The following GABBR2 variants were observed in gnomAD, a reference collection of about 807,000 sequenced individuals.
The protein encoded by GABBR2 is gamma-aminobutyric acid type B receptor subunit 2.
GABBR2 carries 23 observed loss-of-function variants against 105.6 expected under a neutral mutation model. That is an observed-to-expected ratio of 0.22 (90% CI 0.16 to 0.31). The LOEUF is 0.31. Among genes scored for constraint, GABBR2 ranks in the 10% least tolerant of loss-of-function variants. The probability of loss-of-function intolerance (pLI) is 1.00; values close to 1 mark genes in which losing one functional copy is unlikely to be tolerated. For missense variants in GABBR2, 734 were observed against 1,245.5 expected (o/e 0.59, Z 6.18); for synonymous variants, 478 against 499.7 (o/e 0.96, Z 0.58).
chr9:98,622,331 A>C (rs1240483152), intron 1 of GABBR2, among the ~76,000 whole-genome samples: 1 of 151,910 alleles, frequency 6.6e-6, no homozygotes, highest in Non-Finnish European at 1.5e-5. Context: ...CACCTGGCTA[A>C]TTTTTGTATT....
rs1832259762 is a variant in GABBR2, at chr9:98,394,894, T to C, written c.1298-639A>G. Among the ~76,000 whole-genome samples, 2 of 152,218 alleles carry C rather than the reference T, an allele frequency of 1.3e-5. 1 individual carries two copies. The highest frequency in any genetic ancestry group is 4.1e-4 in the South Asian group (2 of 4,832). On this transcript the variant is annotated intron_variant, in intron 8 of 18. Transcript: ENST00000259455. ...CTCATTCTGGAGTTCACATTGCTAT[T>C]ATATGCATCCTTAGGTTGAATTTGC... is the stretch of plus-strand genomic sequence containing the variant.
At chr9:98,666,006 T>C (rs2131857091) in intron 1 of GABBR2, among the ~76,000 whole-genome samples, 1 of 152,344 alleles carries the variant, frequency 6.6e-6, no homozygotes, top group Non-Finnish European at 1.5e-5. Context: ...TTACAGAGTG[T>C]TTGATCCACT....
At chr9:98,705,968 C>T (rs1307698634) in intron 1 of GABBR2, among the ~76,000 whole-genome samples, 6 of 151,948 alleles carry the variant, frequency 3.9e-5, no homozygotes, top group Admixed American at 1.3e-4. Context: ...CCCAGCTACA[C>T]GGGAGGCTGA....
At chr9:98,374,957 A>G (rs1352132315) in intron 11 of GABBR2, among the ~76,000 whole-genome samples, 3 of 152,030 alleles carry the variant, frequency 2.0e-5, no homozygotes, top group Non-Finnish European at 4.4e-5. Context: ...TAGAGAACTG[A>G]CCAACCACCT....
intron 1 of GABBR2, among the ~76,000 whole-genome samples, chr9:98,637,272 C>T (rs79824961): frequency 0.092 from 13,966 of 152,154 alleles, 980 homozygotes; most frequent in African/African-American, 0.2. Flanking sequence ...AAGGGAGACA[C>T]AGTTGGCTAC....
In GABBR2 at chr9:98,548,023, T is replaced by C. The variant is rs374218002; in HGVS notation, c.460-5980A>G. 5.1e-4 allele frequency among the ~76,000 whole-genome samples: 62 copies of C among 122,036 alleles called. 21 individuals are homozygous for C. In the East Asian group the frequency reaches 0.016, roughly 32 times the overall value. The allele number at this position is 122,036 out of a possible 152,430, so 80.1% of individuals were successfully genotyped here. On this transcript the variant is annotated intron_variant, in intron 2 of 18. Transcript: ENST00000259455. ...ATGGAGCCTGCTTTGCTGCATATGA[T>C]TGGGGAGGCTACACATCTTTCTAAA...
chr9:98,427,971 G>A (rs1825727486), intron 7 of GABBR2, among the ~76,000 whole-genome samples: 1 of 152,150 alleles, frequency 6.6e-6, no homozygotes, highest in South Asian at 2.1e-4. Context: ...TTATCCGAGA[G>A]ACCCCAAGCC....
intron 1 of GABBR2, among the ~76,000 whole-genome samples, chr9:98,612,368 T>C (rs1436175812): frequency 6.6e-6 from 1 of 152,178 alleles, no homozygotes; most frequent in Non-Finnish European, 1.5e-5. Flanking sequence ...ACGTGGCCGG[T>C]CAGCCAGCCC....
intron 7 of GABBR2, among the ~76,000 whole-genome samples, chr9:98,418,962 G>A (rs62574592): frequency 0.028 from 4,247 of 152,348 alleles, 60 homozygotes; most frequent in African/African-American, 0.035. Context: ...CTTTACTGTA[G>A]GTTCTATTTT....
At chr9:98,376,059 C>G (rs535849704) in intron 11 of GABBR2, among the ~76,000 whole-genome samples, 1 of 152,312 alleles carries the variant, frequency 6.6e-6, no homozygotes, top group Non-Finnish European at 1.5e-5. Context: ...CTGCGAACTG[C>G]CTTGAACATA....
At position 98,607,838 on chromosome 9, in the gene GABBR2, T is replaced by C. The variant is rs1039222431; in HGVS notation, c.322-29766A>G. The stretch of plus-strand genomic sequence containing the variant: ...CTGACCAAGAGCCCTCCGGCACAAA[T>C]GGAAGAAGAAAGAAGGGAGCATGTA... On this transcript the variant is annotated intron_variant, in intron 1 of 18. Transcript: ENST00000259455. 16 of 1,052,438 alleles carry C rather than the reference T, an allele frequency of 1.5e-5. 1 individual carries two copies. The South Asian group carries it at 1.6e-4, about 11-fold the overall frequency. 65.2% of individuals were successfully genotyped at this position (1,052,438 alleles called of 1,614,324 possible). A position where few individuals can be genotyped will look rare whatever the true frequency, so the allele number is the denominator to read the frequency against.
intron 13 of GABBR2, among the ~76,000 whole-genome samples, chr9:98,335,065 C>T (rs1471665281): frequency 6.6e-6 from 1 of 152,194 alleles, no homozygotes; most frequent in African/African-American, 2.4e-5. Context: ...GTGGAACTTG[C>T]TCACCCTCTG....
intron 4 of GABBR2, among the ~76,000 whole-genome samples, chr9:98,485,076 G>A (rs1336688518): frequency 3.3e-5 from 5 of 152,190 alleles, no homozygotes; most frequent in Non-Finnish European, 4.4e-5. Flanking sequence ...GACTGGAAAC[G>A]TGGCAGAGGG....
intron 3 of GABBR2, among the ~76,000 whole-genome samples, chr9:98,502,665 T>A (rs1293205205): frequency 6.6e-6 from 1 of 152,158 alleles, no homozygotes; most frequent in East Asian, 1.9e-4. Flanking sequence ...ACTCCTGCCC[T>A]CCATGGATGC....
chr9:98,343,757 C>T (rs1031438111), intron 13 of GABBR2, among the ~76,000 whole-genome samples: 1 of 151,992 alleles, frequency 6.6e-6, no homozygotes, highest in African/African-American at 2.4e-5. Flanking sequence ...ACTCAGGAGG[C>T]TGAGGCAGGA....
At chr9:98,597,154 C>T (rs746351692) in intron 1 of GABBR2, among the ~76,000 whole-genome samples, 1 of 152,124 alleles carries the variant, frequency 6.6e-6, no homozygotes, top group Non-Finnish European at 1.5e-5. Context: ...GATCTGCAGG[C>T]CCCCACCCGT....
At chr9:98,424,180 G>A (rs1047145422) in intron 7 of GABBR2, among the ~76,000 whole-genome samples, 2 of 152,044 alleles carry the variant, frequency 1.3e-5, no homozygotes, top group African/African-American at 4.8e-5. Flanking sequence ...TTCAATATAC[G>A]AAAATCAATA....
intron 1 of GABBR2, among the ~76,000 whole-genome samples, chr9:98,620,445 A>G (rs1209105988): frequency 6.6e-6 from 1 of 152,150 alleles, no homozygotes. Context: ...CAATACTTTA[A>G]ATTTCCCAGT....
At position 98,408,967 on chromosome 9, in the gene GABBR2, G is replaced by C. The variant is rs961282726; in HGVS notation, c.1237-2826C>G. 3.6e-4 allele frequency among the ~76,000 whole-genome samples: 55 copies of C among 152,164 alleles called. 1 individual carries two copies. Among genetic ancestry groups the C allele is most frequent in the Admixed American group, 3.4e-3 (52 of 15,280 alleles). On this transcript the variant is annotated intron_variant, in intron 7 of 18. Coordinates refer to ENST00000259455, the MANE Select transcript of GABBR2 (RefSeq NM_005458.8). ...GTAATTTACTAGGGGAGCTGCTTTA[G>C]TTGGGTAGTTAGGGAAGACTCCGCT...
Sources: gnomAD v4.1 joint callset for allele counts (sites outside exome capture counted in the v4.1 genomes callset) on GRCh38, gnomAD v4.1.1 for gene constraint, MANE v1.5 for transcripts, NCBI Gene and HGNC (gene_info 2026-07-23, HGNC 2026-07-21) for gene names.